The following EPHA5 variants were observed in gnomAD, a reference collection of about 807,000 sequenced individuals.
EPHA5 encodes the protein EPH receptor A5.
In EPHA5, 60 loss-of-function variants were observed where a neutral mutation model predicts 105.0. That is an observed-to-expected ratio of 0.57 (90% CI 0.46 to 0.71). The LOEUF (loss-of-function observed/expected upper bound fraction) is 0.71, where lower values mean the gene tolerates loss of function less well. Ranked by LOEUF, EPHA5 falls within the 30% of genes least tolerant of loss-of-function variation. EPHA5 has a pLI of 0.00. For synonymous variants in EPHA5, 513 were observed against 449.1 expected, an observed-to-expected ratio of 1.14 and a Z score of -1.80; for missense variants, 1,218 against 1,274.7, an observed-to-expected ratio of 0.96 and a Z score of 0.68.
intron 3 of EPHA5, among the ~76,000 whole-genome samples, chr4:65,530,444 G>A (rs1156864248): frequency 6.6e-6 from 1 of 151,842 alleles, no homozygotes; most frequent in Non-Finnish European, 1.5e-5. Flanking sequence ...GCGTGTTTAT[G>A]ATGTGTTTGT....
Position 65,669,695 on chromosome 4 carries a change from G to A in EPHA5, c.48C>T (p.Ser16=), listed in dbSNP as rs1157593106. The A allele has an allele frequency of 4.6e-6, 6 of 1,306,900 alleles. No individual in the cohort carries two copies. The highest frequency in any genetic ancestry group is 3.9e-6 in the Non-Finnish European group (4 of 1,024,976). 81.0% of individuals were successfully genotyped at this position (1,306,900 alleles called of 1,614,324 possible). ...GGGTGATGGGGGTGTCGCCGCCGCC[G>A]CTTGGGGGCCGCCGGCGTCCCGCAC... ...PRGAGRRRPP[S]GGGDTPITPA... The change falls in exon 1 of 17, where the codon AGC becomes AGT. Residue 16 remains serine, a synonymous_variant. Transcript: ENST00000613740.
rs554855112 is a variant in EPHA5 at position 65,323,325 on chromosome 4, C to T, written c.*789G>A. On this transcript the variant is annotated 3_prime_UTR_variant, in exon 17 of 17. Coordinates refer to ENST00000613740, the MANE Select transcript of EPHA5 (RefSeq NM_001281766.3). ...CTGGAACACTTGCTCCTATATGTTG[C>T]TAAAATTGAAACACTATTAGAAATG... 2.0e-3 allele frequency: 456 copies of T among 229,620 alleles called. No individual in the cohort carries two copies. Among genetic ancestry groups the T allele is most frequent in the Middle Eastern group, 7.8e-3 (6 of 766 alleles). The allele number at this position is 229,620 out of a possible 1,614,324, so 14.2% of individuals were successfully genotyped here.
chr4:65,541,150 A>C (rs974207304), intron 3 of EPHA5, among the ~76,000 whole-genome samples: 1 of 151,596 alleles, frequency 6.6e-6, no homozygotes, highest in Non-Finnish European at 1.5e-5. Flanking sequence ...TGCAAAACAC[A>C]TGAAAATGTA....
intron 5 of EPHA5, among the ~76,000 whole-genome samples, chr4:65,458,502 C>G (rs943171754): frequency 3.3e-5 from 5 of 152,142 alleles, no homozygotes; most frequent in Admixed American, 6.6e-5. Flanking sequence ...CCTTATTCAA[C>G]TGTCTCCTTA....
chr4:65,594,326 T>TATAATC (rs1742965111), intron 3 of EPHA5, among the ~76,000 whole-genome samples: 3 of 152,154 alleles, frequency 2.0e-5, no homozygotes. Flanking sequence ...CAACATAAAA[T>TATAATC]ATAATCATTA....
At chr4:65,568,963 T>A (rs1739840137) in intron 3 of EPHA5, among the ~76,000 whole-genome samples, 1 of 151,114 alleles carries the variant, frequency 6.6e-6, no homozygotes. Context: ...TTAAACATAA[T>A]TTAGCTTAAT....
intron 16 of EPHA5, chr4:65,330,710 A>T (rs1399116830): frequency 1.1e-6 from 1 of 914,752 alleles, no homozygotes; most frequent in African/African-American, 1.8e-5. Flanking sequence ...TCATGTAAAA[A>T]TAGTTTTAAA....
At chr4:65,565,317 C>T (rs1739424641) in intron 3 of EPHA5, among the ~76,000 whole-genome samples, 2 of 151,528 alleles carry the variant, frequency 1.3e-5, no homozygotes, top group Admixed American at 1.3e-4. Flanking sequence ...CAGTGGTGCC[C>T]AATATATTCA....
At chr4:65,324,679 T>C (rs1488983151) in intron 16 of EPHA5, among the ~76,000 whole-genome samples, 1 of 151,116 alleles carries the variant, frequency 6.6e-6, no homozygotes, top group African/African-American at 2.4e-5. Flanking sequence ...TATACAGTAA[T>C]TTTATATAAC....
chr4:65,336,194 C>A (rs1332974840), intron 14 of EPHA5, 69 bp from the exon 15 acceptor site: 14 of 1,284,238 alleles, frequency 1.1e-5, no homozygotes, highest in South Asian at 1.8e-5. Context: ...TTAAAAATGT[C>A]CCACTGTCCA....
chr4:65,365,689 A>ATATATATAT (rs765636669), intron 10 of EPHA5, among the ~76,000 whole-genome samples: 3 of 93,814 alleles, frequency 3.2e-5, no homozygotes, highest in Non-Finnish European at 7.3e-5. Context: ...ATATATATAT[A>ATATATATAT]GTGAAACATT....
In EPHA5 at chr4:65,662,571, G is replaced by A. The variant is rs1452708098; in HGVS notation, c.181+6991C>T. 4.6e-5 allele frequency among the ~76,000 whole-genome samples: 7 copies of A among 151,590 alleles called. No individual in the cohort carries two copies. The East Asian group carries it at 9.6e-4, about 21-fold the overall frequency. On this transcript the variant is annotated intron_variant, in intron 1 of 16. Transcript: ENST00000613740. Reference sequence around the variant, plus strand: ...AAACAGATCTTACAGAGAAATAGAAGGAAAAAACAACAACAACAACAAATG... The same window carrying A: ...AAACAGATCTTACAGAGAAATAGAAAGAAAAAACAACAACAACAACAAATG...
intron 11 of EPHA5, among the ~76,000 whole-genome samples, chr4:65,363,580 T>C (rs1717552213): frequency 6.6e-6 from 1 of 151,590 alleles, no homozygotes; most frequent in Admixed American, 6.6e-5. Context: ...TAGTGAGAGT[T>C]TATTTTCAGA....
In EPHA5 at chr4:65,333,613, CTT is replaced by C. The variant is rs778146562; in HGVS notation, c.2790-1487_2790-1486del. On this transcript the variant is annotated intron_variant, in intron 15 of 16. Coordinates refer to ENST00000613740, the MANE Select transcript of EPHA5 (RefSeq NM_001281766.3). ...CCCTCAATCTCCTTTGCCTGCTAGT[CTT>C]TTTTTTTTTTTTTTTTTTCCTGACT... Among the ~76,000 whole-genome samples, 211 of 79,176 alleles carry C rather than the reference CTT, an allele frequency of 2.7e-3. 1 individual carries two copies. Among genetic ancestry groups the C allele is most frequent in the Middle Eastern group, 0.017 (2 of 118 alleles). 51.9% of individuals were successfully genotyped at this position (79,176 alleles called of 152,430 possible). A position where few individuals can be genotyped will look rare whatever the true frequency, so the allele number is the denominator to read the frequency against.
intron 5 of EPHA5, among the ~76,000 whole-genome samples, chr4:65,429,715 A>G (rs1464108377): frequency 6.6e-6 from 1 of 152,074 alleles, no homozygotes; most frequent in South Asian, 2.1e-4. Context: ...TGTTTAAAGA[A>G]CCAGATTGAA....
chr4:65,558,518 C>G (rs867856177), intron 3 of EPHA5, among the ~76,000 whole-genome samples: 1 of 151,962 alleles, frequency 6.6e-6, no homozygotes, highest in Admixed American at 6.6e-5. Flanking sequence ...TCACTAAGCA[C>G]AGTAGTATAG....
intron 3 of EPHA5, among the ~76,000 whole-genome samples, chr4:65,593,747 T>C (rs1228163810): frequency 1.3e-5 from 2 of 152,208 alleles, no homozygotes. Flanking sequence ...TACCAAATGA[T>C]AGAGTGAGAT....
At chr4:65,659,558 A>G (rs1749381489) in intron 1 of EPHA5, among the ~76,000 whole-genome samples, 1 of 151,992 alleles carries the variant, frequency 6.6e-6, no homozygotes. Context: ...ACTAAGTATG[A>G]GAGGAAATAT....
At chr4:65,546,493 T>A (rs1290191373) in intron 3 of EPHA5, among the ~76,000 whole-genome samples, 1 of 152,080 alleles carries the variant, frequency 6.6e-6, no homozygotes, top group Non-Finnish European at 1.5e-5. Flanking sequence ...ATTAACAACC[T>A]ATTTTTCTAA....
Sources: allele counts gnomAD v4.1 joint callset (sites outside exome capture counted in the v4.1 genomes callset), GRCh38; gene constraint gnomAD v4.1.1; transcripts MANE v1.5; gene names NCBI Gene and HGNC (gene_info 2026-07-23, HGNC 2026-07-21).